Variants in ACTR3 observed in about 807,000 individuals in gnomAD.
ACTR3 encodes the protein actin related protein 3.
ACTR3 carries 12 observed loss-of-function variants against 56.8 expected under a neutral mutation model. The ratio of observed to expected loss-of-function variants is 0.21; its 90% CI spans 0.14 to 0.34. ACTR3 has a LOEUF of 0.34. ACTR3 is among the 10% of genes least tolerant of loss of function. The pLI is 1.00. For synonymous variants in ACTR3, 162 were observed against 167.4 expected, an observed-to-expected ratio of 0.97 and a Z score of 0.25; for missense variants, 282 against 512.5, an observed-to-expected ratio of 0.55 and a Z score of 4.34.
intron 8 of ACTR3, 192 bp from the exon 9 acceptor site, chr2:113,951,287 T>C (rs1680116724): frequency 4.2e-6 from 2 of 480,434 alleles, no homozygotes; most frequent in Admixed American, 3.4e-5. Context: ...CTGATAGTTA[T>C]AAAATGGTAT....
intron 3 of ACTR3, among the ~76,000 whole-genome samples, chr2:113,924,054 C>CTTT (rs35658755): frequency 3.7e-5 from 5 of 134,986 alleles, no homozygotes; most frequent in Non-Finnish European, 7.9e-5. Context: ...ACTTTTTTCT[C>CTTT]TTTTTTTTTT....
At chr2:113,948,196 C>T (rs371140631) in intron 8 of ACTR3, among the ~76,000 whole-genome samples, 12 of 152,244 alleles carry the variant, frequency 7.9e-5, no homozygotes, top group African/African-American at 2.9e-4. Flanking sequence ...GGGTCTTGCT[C>T]TGTCACCCAG....
At chr2:113,923,562 C>G (rs1361138465) in intron 3 of ACTR3, among the ~76,000 whole-genome samples, 1 of 152,120 alleles carries the variant, frequency 6.6e-6, no homozygotes, top group Non-Finnish European at 1.5e-5. Flanking sequence ...GTCTCAATCT[C>G]CTGACCTCGT....
intron 1 of ACTR3, among the ~76,000 whole-genome samples, chr2:113,900,340 G>A (rs10187984): frequency 0.12 from 18,651 of 152,134 alleles, 1,830 homozygotes; most frequent in African/African-American, 0.27. Flanking sequence ...TGTCTTTATG[G>A]ATTTGCCTAT....
At chr2:113,934,029 A>G (rs535085431) in intron 5 of ACTR3, 100 of 406,020 alleles carry the variant, frequency 2.5e-4, no homozygotes, top group African/African-American at 2.0e-3. Flanking sequence ...CCTTTATAAA[A>G]TATGTAAATC....
At chr2:113,949,907 A>G (rs539450641) in intron 8 of ACTR3, among the ~76,000 whole-genome samples, 150 of 152,252 alleles carry the variant, frequency 9.9e-4, no homozygotes, top group South Asian at 2.3e-3. Flanking sequence ...TTTAAAAAGT[A>G]TGTTTTTCTT....
At chr2:113,929,641 G>A (rs62169888) in intron 4 of ACTR3, among the ~76,000 whole-genome samples, 4,862 of 152,018 alleles carry the variant, frequency 0.032, 106 homozygotes, top group South Asian at 0.081. Flanking sequence ...TGATGCATTA[G>A]TAATCTGCTT....
At chr2:113,917,318 C>T (rs1026092437) in intron 3 of ACTR3, among the ~76,000 whole-genome samples, 11 of 151,870 alleles carry the variant, frequency 7.2e-5, no homozygotes, top group African/African-American at 2.7e-4. Context: ...AACTTTTTTT[C>T]CCCATCTTTA....
chr2:113,940,189 G>A (rs1679899328), intron 7 of ACTR3, 87 bp downstream of exon 7: 1 of 1,147,092 alleles, frequency 8.7e-7, no homozygotes, highest in Non-Finnish European at 1.2e-6. Flanking sequence ...TAGAAGAAGA[G>A]TACTTGAAAT....
chr2:113,949,377 C>CA (rs1167037648), intron 8 of ACTR3, among the ~76,000 whole-genome samples: 15,838 of 57,016 alleles, frequency 0.28, 1,739 homozygotes, highest in Non-Finnish European at 0.32. Context: ...GACTCGGTCT[C>CA]AAAAAAAAAA....
intron 3 of ACTR3, among the ~76,000 whole-genome samples, chr2:113,920,084 G>C (rs11123218): frequency 0.3 from 45,317 of 152,022 alleles, 11,109 homozygotes; most frequent in African/African-American, 0.67. Context: ...CCACCACGCC[G>C]GACTAATTTT....
chr2:113,896,652 C>T (rs936193901), intron 1 of ACTR3, among the ~76,000 whole-genome samples: 2 of 152,228 alleles, frequency 1.3e-5, no homozygotes, highest in East Asian at 3.8e-4. Flanking sequence ...AATTTGTTAA[C>T]TGAAGCTAAT....
chr2:113,890,977 G>A (rs1394346017), intron 1 of ACTR3, among the ~76,000 whole-genome samples: 1 of 152,194 alleles, frequency 6.6e-6, no homozygotes, highest in Non-Finnish European at 1.5e-5. Context: ...GAGGGAGAAA[G>A]ATGTCATGTG....
chr2:113,945,408 C>T (rs1043646152), intron 8 of ACTR3, among the ~76,000 whole-genome samples: 2 of 152,010 alleles, frequency 1.3e-5, no homozygotes, highest in Admixed American at 6.5e-5. Flanking sequence ...TGATATGTCA[C>T]TGTTAGTGGT....
rs777703474 is a variant in ACTR3, at chr2:113,957,422, T to C, written c.1224T>C (p.Cys408=). The C allele has an allele frequency of 1.7e-5, 27 of 1,613,464 alleles. No homozygotes were observed. Among genetic ancestry groups the C allele is most frequent in the Non-Finnish European group, 2.2e-5 (26 of 1,179,598 alleles). The part of the protein sequence containing the change: ...KDYEEIGPSI[C]RHNPVFGVMS ...ATGAAGAAATTGGACCTAGCATTTG[T>C]CGTCACAATCCAGTGTTTGGAGTCA... Residue 408 remains cysteine, a synonymous_variant, in exon 12 of 12, where the codon TGT becomes TGC. Transcript: ENST00000263238.
In ACTR3 at chr2:113,955,652, A is replaced by G; in HGVS notation, c.1107A>G (p.Thr369=). 6.2e-7 allele frequency: 1 copy of G among 1,613,502 alleles called. No individual in the cohort carries two copies. Among genetic ancestry groups the G allele is most frequent in the Non-Finnish European group, 8.5e-7 (1 of 1,179,526 alleles). ...KPKPIDVQVI[T]HHMQRYAVWF... Reference sequence around the variant, plus strand: ...AACCTATTGATGTACAAGTCATTACACACCACATGCAGCGATATGCAGTTT... The same window carrying G: ...AACCTATTGATGTACAAGTCATTACGCACCACATGCAGCGATATGCAGTTT... The change falls in exon 11 of 12, where the codon ACA becomes ACG. Residue 369 remains threonine (T), a synonymous_variant. Coordinates refer to ENST00000263238, the MANE Select transcript of ACTR3 (RefSeq NM_005721.5).
At chr2:113,956,213 A>G (rs1393978974) in intron 11 of ACTR3, among the ~76,000 whole-genome samples, 1 of 151,634 alleles carries the variant, frequency 6.6e-6, no homozygotes, top group Non-Finnish European at 1.5e-5. Context: ...GTTTAAATTT[A>G]TATATATATA....
intron 1 of ACTR3, among the ~76,000 whole-genome samples, chr2:113,903,772 G>A (rs1679144135): frequency 6.6e-6 from 1 of 152,010 alleles, no homozygotes; most frequent in Non-Finnish European, 1.5e-5. Context: ...GGGATTACAG[G>A]CGTGAGCCAC....
At chr2:113,890,379 G>T in intron 1 of ACTR3, 56 bp downstream of exon 1, 1 of 1,410,482 alleles carries the variant, frequency 7.1e-7, no homozygotes, top group South Asian at 1.3e-5. Context: ...GGAAGATGGC[G>T]GGGGAGGGAG....
Sources: allele counts gnomAD v4.1 joint callset (sites outside exome capture counted in the v4.1 genomes callset), GRCh38; gene constraint gnomAD v4.1.1; transcripts MANE v1.5; gene names NCBI Gene and HGNC (gene_info 2026-07-23, HGNC 2026-07-21).